Variants in CACNA1A observed in about 807,000 individuals in gnomAD.
CACNA1A encodes calcium voltage-gated channel subunit alpha1 A, also known as voltage-dependent P/Q-type calcium channel subunit alpha-1A.
Under a neutral mutation model 262.4 loss-of-function variants are expected in CACNA1A, and 57 were observed. That is an observed-to-expected ratio of 0.22 (90% CI 0.18 to 0.27). The LOEUF (loss-of-function observed/expected upper bound fraction) is 0.27. CACNA1A is among the 10% of genes least tolerant of loss of function. CACNA1A has a pLI of 1.00. For missense variants in CACNA1A, 2,526 were observed against 3,562.8 expected (o/e 0.71, Z 7.41); for synonymous variants, 1,431 against 1,419.3 (o/e 1.01, Z -0.18).
chr19:13,290,249 T>C (rs748802197), intron 19 of CACNA1A, among the ~76,000 whole-genome samples: 6 of 151,998 alleles, frequency 3.9e-5, no homozygotes, highest in Non-Finnish European at 5.9e-5. Context: ...ATGAGGTAAA[T>C]TCTAAACCAA....
rs1471794796 is a variant in CACNA1A at position 13,215,009 on chromosome 19, TG to T, written c.5732-402del. The T allele has an allele frequency of 6.9e-4, 115 of 165,866 alleles. 1 individual carries two copies. In the East Asian group the frequency reaches 0.01, roughly 15 times the overall value. 10.3% of individuals were successfully genotyped at this position (165,866 alleles called of 1,614,324 possible). A position where few individuals can be genotyped will look rare whatever the true frequency, so the allele number is the denominator to read the frequency against. On this transcript the variant is annotated intron_variant, in intron 38 of 46. Transcript: ENST00000360228. ...CACCTGGTTGTTGTGTGTGTGTGTG[TG>T]TGTTTTTTTTTTTTTTTTAGACAGA...
intron 10 of CACNA1A, among the ~76,000 whole-genome samples, chr19:13,321,832 T>C (rs956404171): frequency 3.3e-5 from 5 of 152,070 alleles, no homozygotes; most frequent in African/African-American, 1.2e-4. Context: ...TAGGATATTA[T>C]TGTACACTCC....
chr19:13,307,773 A>T lies in CACNA1A; in HGVS notation c.1986+9T>A. On this transcript the variant is annotated intron_variant, in intron 15 of 46. Coordinates refer to ENST00000360228, the MANE Select transcript of CACNA1A (RefSeq NM_001127222.2). The stretch of plus-strand genomic sequence containing the variant: ...GGTGTTGGCCCGTGGGGCCAGGTGG[A>T]GGCTGTACCTGAAACACCGTCATTA... The T allele has an allele frequency of 6.2e-7, 1 of 1,613,400 alleles. No individual in the cohort carries two copies. Among genetic ancestry groups the T allele is most frequent in the South Asian group, 1.1e-5 (1 of 91,062 alleles).
chr19:13,252,311 C>T (rs555237603), intron 30 of CACNA1A, among the ~76,000 whole-genome samples: 1 of 151,874 alleles, frequency 6.6e-6, no homozygotes, highest in Admixed American at 6.6e-5. Context: ...TAGCTTCAAG[C>T]GATCCTCCTG....
intron 10 of CACNA1A, among the ~76,000 whole-genome samples, chr19:13,329,486 CTT>C (rs35821858): frequency 5.2e-4 from 64 of 123,812 alleles, no homozygotes; most frequent in Admixed American, 7.4e-4. Context: ...TGGTTTGTGT[CTT>C]TTTTTTTTTT....
chr19:13,212,273 G>C lies in CACNA1A; in HGVS notation c.6190-57C>G. The stretch of plus-strand genomic sequence containing the variant: ...CTGGGGCCTGACCTCCAGATCCCTG[G>C]TGTCTGCAGAGGGAGGGAGCTGCAG... On this transcript the variant is annotated intron_variant, in intron 42 of 46. Coordinates refer to ENST00000360228, the MANE Select transcript of CACNA1A (RefSeq NM_001127222.2). The surrounding 1 kb of genome is among the most constrained non-coding windows in gnomAD (Gnocchi z 5.6). 2 of 1,579,850 alleles carry C rather than the reference G, an allele frequency of 1.3e-6. No individual in the cohort carries two copies. The highest frequency in any genetic ancestry group is 1.7e-6 in the Non-Finnish European group (2 of 1,150,564).
At chr19:13,363,529 A>T (rs1018096717) in intron 5 of CACNA1A, 7 of 151,150 alleles carry the variant, frequency 4.6e-5, no homozygotes, top group Non-Finnish European at 1.0e-4. Context: ...CCACAAAAAA[A>T]CCCAAACCTC....
At chr19:13,346,633 TATATATATATATATATATATATATATATA>T (rs1568557041) in intron 6 of CACNA1A, among the ~76,000 whole-genome samples, 4 of 3,488 alleles carry the variant, frequency 1.1e-3, no homozygotes, top group African/African-American at 4.0e-3. Flanking sequence ...TATATATATA[TATATATATATATATATATATATATATATA>T]TATATTTTTT....
In CACNA1A at chr19:13,257,332, T is replaced by A. The variant is rs758805053; in HGVS notation, c.4590+18A>T. 12 of 1,605,034 alleles carry A rather than the reference T, an allele frequency of 7.5e-6. No individual in the cohort carries two copies. Among genetic ancestry groups the A allele is most frequent in the Non-Finnish European group, 1.0e-5 (12 of 1,172,146 alleles). ...GTGTCCCCAGTTTTTAAAGGACAGATGGAATTGGAAGTGGCACCTCATTTT... is the reference window on the plus strand; with the variant it reads ...GTGTCCCCAGTTTTTAAAGGACAGAAGGAATTGGAAGTGGCACCTCATTTT... On this transcript the variant is annotated intron_variant, in intron 28 of 46. Transcript: ENST00000360228.
intron 5 of CACNA1A, chr19:13,364,464 G>A (rs1282378436): frequency 6.6e-6 from 1 of 152,132 alleles, no homozygotes; most frequent in African/African-American, 2.4e-5. Flanking sequence ...AGGACTGGTC[G>A]AGGTCTGAAA....
rs1181946215 is a variant in CACNA1A at position 13,261,620 on chromosome 19, G to A, written c.4090-10C>T. On this transcript the variant is annotated splice_polypyrimidine_tract_variant and intron_variant, in intron 25 of 46. Coordinates refer to ENST00000360228, the MANE Select transcript of CACNA1A (RefSeq NM_001127222.2). ...CACAGTCAAACACAGCCTGTGGGGT[G>A]GAGTTGACAGAGAGCATGAGGGGCT... 2 of 1,605,490 alleles carry A rather than the reference G, an allele frequency of 1.2e-6. No homozygotes were observed. Among genetic ancestry groups the A allele is most frequent in the Non-Finnish European group, 1.7e-6 (2 of 1,176,156 alleles).
Position 13,207,702 on chromosome 19 carries a change from C to T in CACNA1A, c.7132G>A (p.Glu2378Lys), listed in dbSNP as rs2054617796. ...ERRVPGPARS[E>K]SPRACRHGGA... ...CCGTGTCGACAGGCCCTGGGGGACT[C>T]GCTCCGGGCCGGGCCTGGGACCCGC... Residue 2378 changes from glutamate (E) to lysine (K), a missense_variant, in exon 47 of 47, where the codon GAG (glutamate) becomes AAG (lysine). Glu to Lys is a moderately conservative substitution (Grantham distance 56). Coordinates refer to ENST00000360228, the MANE Select transcript of CACNA1A (RefSeq NM_001127222.2). The surrounding 1 kb of genome is among the most constrained non-coding windows in gnomAD (Gnocchi z 5.7). 3.7e-6 allele frequency: 5 copies of T among 1,367,628 alleles called. No homozygotes were observed. Among genetic ancestry groups the T allele is most frequent in the South Asian group, 1.7e-5 (1 of 59,440 alleles). 84.7% of individuals were successfully genotyped at this position (1,367,628 alleles called of 1,614,324 possible). A position where few individuals can be genotyped will look rare whatever the true frequency, so the allele number is the denominator to read the frequency against.
chr19:13,411,259 T>C (rs1358695932), intron 3 of CACNA1A, among the ~76,000 whole-genome samples: 1 of 152,186 alleles, frequency 6.6e-6, no homozygotes, highest in Non-Finnish European at 1.5e-5. Context: ...TTTTATTTGA[T>C]GGCAAACCCA....
intron 30 of CACNA1A, among the ~76,000 whole-genome samples, chr19:13,246,631 GTTTT>G (rs1001319451): frequency 7.0e-6 from 1 of 143,134 alleles, no homozygotes; most frequent in African/African-American, 2.5e-5. Context: ...CTCTCTGTTT[GTTTT>G]TTTTTTTTGA....
At chr19:13,296,328 T>A (rs2057666430) in intron 19 of CACNA1A, among the ~76,000 whole-genome samples, 1 of 152,174 alleles carries the variant, frequency 6.6e-6, no homozygotes. Context: ...ATTAAAAAAA[T>A]CAATATTATG....
intron 21 of CACNA1A, chr19:13,283,974 CA>C (rs2057347288): frequency 6.5e-6 from 1 of 152,724 alleles, no homozygotes; most frequent in Non-Finnish European, 1.5e-5. Flanking sequence ...TTATGAATTG[CA>C]GGCCTTATCA....
intron 5 of CACNA1A, among the ~76,000 whole-genome samples, chr19:13,361,343 C>G (rs1426472006): frequency 6.6e-6 from 1 of 152,150 alleles, no homozygotes; most frequent in Non-Finnish European, 1.5e-5. Context: ...CGCTAAAGGT[C>G]AGTCCAAATC....
Position 13,277,144 on chromosome 19 carries a change from G to C in CACNA1A, c.3823-16C>G, listed in dbSNP as rs1450343323. ...ATCGCAGCACCTGTAAGGGATAAAA[G>C]CAAGAGAGCAGTGGATCACTGGCCT... On this transcript the variant is annotated splice_polypyrimidine_tract_variant and intron_variant, in intron 22 of 46. Transcript: ENST00000360228. 2 of 1,600,102 alleles carry C rather than the reference G, an allele frequency of 1.2e-6. No homozygotes were observed. Among genetic ancestry groups the C allele is most frequent in the Non-Finnish European group, 1.7e-6 (2 of 1,167,836 alleles).
chr19:13,250,032 A>T (rs1366649033), intron 30 of CACNA1A, among the ~76,000 whole-genome samples: 1 of 151,910 alleles, frequency 6.6e-6, no homozygotes, highest in Non-Finnish European at 1.5e-5. Context: ...TTCAAGTCCC[A>T]GCCCACTAGT....
Sources: gnomAD v4.1 joint callset for allele counts (sites outside exome capture counted in the v4.1 genomes callset) on GRCh38, gnomAD v4.1.1 for gene constraint, Gnocchi (gnomAD v3.1) non-coding constraint, MANE v1.5 for transcripts, NCBI Gene and HGNC (gene_info 2026-07-23, HGNC 2026-07-21) for gene names.